NTM: variants seen among roughly 807,000 people sequenced by gnomAD.
The protein encoded by NTM is IgLON family member 2.
A neutral mutation model predicts 42.1 loss-of-function variants in NTM; 13 were observed. The ratio of observed to expected loss-of-function variants is 0.31; its 90% CI spans 0.20 to 0.49. The LOEUF is 0.49. Ranked by LOEUF, NTM falls within the 20% of genes least tolerant of loss-of-function variation. The pLI, the probability that NTM is intolerant of heterozygous loss-of-function variation, is 0.99. For synonymous variants in NTM, 187 were observed against 179.2 expected (o/e 1.04, Z -0.35); for missense variants, 373 against 452.8 (o/e 0.82, Z 1.60).
intron 1 of NTM, among the ~76,000 whole-genome samples, chr11:131,495,086 TTAG>T (rs1430298515): frequency 4.6e-5 from 7 of 152,124 alleles, no homozygotes; most frequent in Non-Finnish European, 7.4e-5. Context: ...TGAGGGAAAA[TTAG>T]TAGTAGAAGA....
chr11:131,705,060 T>G (rs781618192), intron 1 of NTM, among the ~76,000 whole-genome samples: 2 of 152,204 alleles, frequency 1.3e-5, no homozygotes, highest in Non-Finnish European at 2.9e-5. Flanking sequence ...CAAGGTCATT[T>G]AAAGACATAA....
chr11:131,415,838 G>C (rs1415255443), intron 1 of NTM, among the ~76,000 whole-genome samples: 1 of 152,180 alleles, frequency 6.6e-6, no homozygotes, highest in East Asian at 1.9e-4. Flanking sequence ...TGGTACATGG[G>C]TTAATATCTT....
intron 7 of NTM, among the ~76,000 whole-genome samples, chr11:132,323,579 C>G (rs1410811777): frequency 1.3e-5 from 2 of 151,988 alleles, no homozygotes; most frequent in East Asian, 3.9e-4. Flanking sequence ...GGATTCACAG[C>G]CGAATTCTAC....
chr11:131,798,202 C>T (rs1033492182), intron 1 of NTM, among the ~76,000 whole-genome samples: 1 of 152,174 alleles, frequency 6.6e-6, no homozygotes, highest in Admixed American at 6.5e-5. Context: ...CTCATGATCT[C>T]CATCTTGTTG....
At chr11:132,216,980 T>C (rs1253019469) in intron 4 of NTM, among the ~76,000 whole-genome samples, 1 of 152,204 alleles carries the variant, frequency 6.6e-6, no homozygotes, top group Non-Finnish European at 1.5e-5. Flanking sequence ...AAGAAACTCC[T>C]TTTCAAGTTT....
intron 1 of NTM, among the ~76,000 whole-genome samples, chr11:131,602,526 A>G (rs1191449522): frequency 1.3e-5 from 2 of 152,210 alleles, no homozygotes; most frequent in East Asian, 3.9e-4. Context: ...TGACAATCAG[A>G]TAGTGAAACT....
chr11:131,684,209 G>GGA (rs907297245), intron 1 of NTM, among the ~76,000 whole-genome samples: 1 of 152,118 alleles, frequency 6.6e-6, no homozygotes, highest in African/African-American at 2.4e-5. Flanking sequence ...GAGCAACGTG[G>GGA]GGTGAGCAGC....
At chr11:132,097,656 G>A (rs140137360) in intron 2 of NTM, among the ~76,000 whole-genome samples, 299 of 152,226 alleles carry the variant, frequency 2.0e-3, no homozygotes, top group African/African-American at 6.9e-3. Context: ...GGCTGGCCTG[G>A]GAAAAAGCTT....
chr11:131,778,765 C>A (rs149823887), intron 1 of NTM, among the ~76,000 whole-genome samples: 1 of 152,072 alleles, frequency 6.6e-6, no homozygotes, highest in Non-Finnish European at 1.5e-5. Flanking sequence ...TTCCGGTTAA[C>A]TATTGTAGTA....
chr11:132,259,977 G>A (rs751560320), intron 4 of NTM, among the ~76,000 whole-genome samples: 42 of 152,094 alleles, frequency 2.8e-4, no homozygotes, highest in Non-Finnish European at 4.3e-4. Context: ...TCGAACACCT[G>A]CAACTAGGAC....
Position 132,335,152 on chromosome 11 carries a change from G to T in NTM, c.*6G>T. On this transcript the variant is annotated 3_prime_UTR_variant, in exon 9 of 9. Transcript: ENST00000683400. ...ACCTGCTTCTCAAATTTTGATGTGA[G>T]TGCCACTTCCCCACCCGGGAAAGGC... 6.2e-7 allele frequency: 1 copy of T among 1,611,894 alleles called. No homozygotes were observed.
At chr11:131,613,651 G>A (rs1037283019) in intron 1 of NTM, among the ~76,000 whole-genome samples, 5 of 152,124 alleles carry the variant, frequency 3.3e-5, no homozygotes, top group South Asian at 2.1e-4. Flanking sequence ...AGAGCCAGGC[G>A]CGATGCTGAG....
intron 3 of NTM, among the ~76,000 whole-genome samples, chr11:132,184,115 A>G (rs1482720778): frequency 6.6e-6 from 1 of 152,138 alleles, no homozygotes. Flanking sequence ...CGTTTTTGAG[A>G]GCCTCTTTTG....
intron 1 of NTM, among the ~76,000 whole-genome samples, chr11:131,572,582 T>C (rs1420503962): frequency 6.6e-6 from 1 of 152,114 alleles, no homozygotes; most frequent in South Asian, 2.1e-4. Flanking sequence ...CTCTTTCCCT[T>C]GGATGACTGT....
intron 1 of NTM, among the ~76,000 whole-genome samples, chr11:131,712,446 A>G (rs1271406886): frequency 6.6e-6 from 1 of 152,184 alleles, no homozygotes; most frequent in Non-Finnish European, 1.5e-5. Context: ...AGAGATAAAT[A>G]GTAATCATCA....
intron 1 of NTM, among the ~76,000 whole-genome samples, chr11:131,674,305 C>T (rs1425723499): frequency 1.3e-5 from 2 of 152,248 alleles, no homozygotes. Flanking sequence ...CCAAGACATT[C>T]TTGTCACTCC....
chr11:131,461,593 G>C (rs11222647), intron 1 of NTM, among the ~76,000 whole-genome samples: 1 of 152,092 alleles, frequency 6.6e-6, no homozygotes, highest in Non-Finnish European at 1.5e-5. Context: ...ACTTGTAGCT[G>C]TAAGAGGAAT....
chr11:131,794,845 A>G (rs1310699746), intron 1 of NTM: 1 of 985,270 alleles, frequency 1.0e-6, no homozygotes, highest in Non-Finnish European at 1.2e-6. Context: ...CCAGGCAGAA[A>G]GCTGCCATAG....
intron 2 of NTM, among the ~76,000 whole-genome samples, chr11:131,974,474 G>A (rs2064020097): frequency 6.6e-6 from 1 of 152,160 alleles, no homozygotes; most frequent in South Asian, 2.1e-4. Context: ...ATCTACATGT[G>A]AACTTATACC....
Sources: allele counts gnomAD v4.1 joint callset (sites outside exome capture counted in the v4.1 genomes callset), GRCh38; gene constraint gnomAD v4.1.1; transcripts MANE v1.5; gene names NCBI Gene and HGNC (gene_info 2026-07-23, HGNC 2026-07-21).